GPHN: variants seen among roughly 807,000 people sequenced by gnomAD.
GPHN encodes the protein gephyrin.
A neutral mutation model predicts 95.5 loss-of-function variants in GPHN; 17 were observed. That is an observed-to-expected ratio of 0.18 (90% CI 0.12 to 0.27). The LOEUF (loss-of-function observed/expected upper bound fraction) is 0.27, where lower values mean the gene tolerates loss of function less well. Among genes scored for constraint, GPHN ranks in the 10% least tolerant of loss-of-function variants. The pLI is 1.00. For missense variants in GPHN, 660 were observed against 978.1 expected (o/e 0.67, Z 4.34); for synonymous variants, 320 against 322.5 (o/e 0.99, Z 0.08).
intron 4 of GPHN, among the ~76,000 whole-genome samples, chr14:66,867,787 A>C (rs2063283904): frequency 6.6e-6 from 1 of 152,220 alleles, no homozygotes. Context: ...ACAAAGTTGA[A>C]CATAAAGTGA....
chr14:67,403,446 G>A, the GPHN span, among the ~76,000 whole-genome samples: 3 of 152,162 alleles, frequency 2.0e-5, no homozygotes, highest in Non-Finnish European at 4.4e-5. Flanking sequence ...TAGTACTGTG[G>A]GTGTTTTTGT....
At position 66,824,624 on chromosome 14, in the gene GPHN, T is replaced by A. The variant is rs998596166; in HGVS notation, c.294+58T>A. The A allele has an allele frequency of 3.9e-6, 3 of 779,046 alleles. No individual in the cohort carries two copies. The African/African-American group carries it at 5.2e-5, about 14-fold the overall frequency. The allele number at this position is 779,046 out of a possible 1,614,324, so 48.3% of individuals were successfully genotyped here. ...ATTAAACTAATCATGGTTTTTTTAA[T>A]CCTTTTTACTATATTTATATTATTT... On this transcript the variant is annotated intron_variant, in intron 4 of 22. Transcript: ENST00000478722.
chr14:67,068,853 T>C (rs1433092694), intron 11 of GPHN, among the ~76,000 whole-genome samples: 2 of 152,114 alleles, frequency 1.3e-5, no homozygotes, highest in Non-Finnish European at 2.9e-5. Context: ...TCTAGCTAGT[T>C]AGCTGCCTGA....
chr14:67,468,476 A>C, the GPHN span, among the ~76,000 whole-genome samples: 1 of 152,230 alleles, frequency 6.6e-6, no homozygotes, highest in Non-Finnish European at 1.5e-5. Context: ...AAGTCCAGGC[A>C]GACTTCAGAA....
At chr14:67,340,722 G>C in the GPHN span, among the ~76,000 whole-genome samples, 119 of 151,950 alleles carry the variant, frequency 7.8e-4, no homozygotes, top group Non-Finnish European at 6.8e-4. Flanking sequence ...CTCTGATGCC[G>C]AGCCGAAGCT....
chr14:66,914,995 A>G (rs2065838110), intron 5 of GPHN, among the ~76,000 whole-genome samples: 1 of 152,152 alleles, frequency 6.6e-6, no homozygotes, highest in African/African-American at 2.4e-5. Context: ...TTTTTAATGA[A>G]ATAATGAATA....
intron 8 of GPHN, among the ~76,000 whole-genome samples, chr14:66,933,877 G>A (rs1389075282): frequency 6.6e-6 from 1 of 152,060 alleles, no homozygotes; most frequent in Non-Finnish European, 1.5e-5. Context: ...AGTTTCTCAT[G>A]CCTGTAATAC....
intron 2 of GPHN, among the ~76,000 whole-genome samples, chr14:66,720,190 G>A (rs1180053687): frequency 1.3e-5 from 2 of 152,074 alleles, no homozygotes; most frequent in African/African-American, 4.8e-5. Flanking sequence ...TCATTTATTT[G>A]TACAGTACAT....
the GPHN span, among the ~76,000 whole-genome samples, chr14:67,532,513 G>A: frequency 6.6e-6 from 1 of 152,106 alleles, no homozygotes; most frequent in East Asian, 1.9e-4. Context: ...GTCTGAGAAC[G>A]AGGAGCACAT....
intron 10 of GPHN, among the ~76,000 whole-genome samples, chr14:67,041,679 T>C (rs2074713903): frequency 6.6e-6 from 1 of 152,196 alleles, no homozygotes; most frequent in African/African-American, 2.4e-5. Context: ...AATAAACATA[T>C]GTGTGCATGT....
intron 19 of GPHN, 31 bp from the exon 20 acceptor site, chr14:67,165,131 T>A (rs376569161): frequency 4.6e-5 from 68 of 1,475,066 alleles, no homozygotes; most frequent in Non-Finnish European, 6.3e-5. Flanking sequence ...TGCTTAGCAA[T>A]CACTAACAAG....
chr14:66,768,978 CAG>C (rs1474761267), intron 2 of GPHN, among the ~76,000 whole-genome samples: 1 of 151,846 alleles, frequency 6.6e-6, no homozygotes, highest in African/African-American at 2.4e-5. Context: ...ACATTTTAGA[CAG>C]TGTGTAGAAA....
intron 1 of GPHN, among the ~76,000 whole-genome samples, chr14:66,631,403 A>G (rs763105919): frequency 2.6e-5 from 4 of 152,244 alleles, no homozygotes; most frequent in Non-Finnish European, 4.4e-5. Flanking sequence ...TGTATTTATT[A>G]TTCTTGAGTT....
intron 2 of GPHN, among the ~76,000 whole-genome samples, chr14:66,682,736 C>T (rs1462585356): frequency 2.0e-5 from 3 of 151,742 alleles, no homozygotes; most frequent in African/African-American, 4.8e-5. Flanking sequence ...GGCGACAGAG[C>T]GAGGCTCCAT....
chr14:67,057,519 CA>C, intron 10 of GPHN, among the ~76,000 whole-genome samples: 1 of 152,028 alleles, frequency 6.6e-6, no homozygotes, highest in African/African-American at 2.4e-5. Flanking sequence ...ATCCGTGCAG[CA>C]AACCACCATG....
chr14:66,587,049 A>G (rs967286582), intron 1 of GPHN, among the ~76,000 whole-genome samples: 43 of 152,170 alleles, frequency 2.8e-4, no homozygotes, highest in African/African-American at 1.0e-3. Context: ...AAAATGAAAG[A>G]GTAGGCAATA....
chr14:66,832,541 T>TA (rs1156862804), intron 4 of GPHN, among the ~76,000 whole-genome samples: 2 of 152,326 alleles, frequency 1.3e-5, no homozygotes, highest in South Asian at 2.1e-4. Flanking sequence ...TAGCCCACTT[T>TA]ATATCTGGGT....
intron 1 of GPHN, among the ~76,000 whole-genome samples, chr14:66,619,178 A>G (rs1368252522): frequency 3.3e-5 from 5 of 152,182 alleles, no homozygotes; most frequent in African/African-American, 7.2e-5. Flanking sequence ...GGCTATTACA[A>G]ATAAAATGTA....
chr14:67,569,623 T>C, the GPHN span: 2 of 478,068 alleles, frequency 4.2e-6, no homozygotes, highest in Non-Finnish European at 7.6e-6. Context: ...GGTGGTCCCA[T>C]AGCCGTATGA....
Sources: allele counts gnomAD v4.1 joint callset (sites outside exome capture counted in the v4.1 genomes callset), GRCh38; gene constraint gnomAD v4.1.1; transcripts MANE v1.5; gene names NCBI Gene and HGNC (gene_info 2026-07-23, HGNC 2026-07-21).